Variants in FAM20A observed in about 807,000 individuals in gnomAD.
FAM20A encodes FAM20A golgi associated secretory pathway pseudokinase, also known as pseudokinase FAM20A.
A neutral mutation model predicts 52.0 loss-of-function variants in FAM20A; 42 were observed. That is an observed-to-expected ratio of 0.81 (90% CI 0.63 to 1.04). FAM20A has a LOEUF of 1.04. Ranked by LOEUF, FAM20A falls within the 50% of genes least tolerant of loss-of-function variation. The probability of loss-of-function intolerance (pLI) is 0.00; values close to 1 mark genes in which losing one functional copy is unlikely to be tolerated. For missense variants in FAM20A, 742 were observed against 712.7 expected, an observed-to-expected ratio of 1.04 and a Z score of -0.47; for synonymous variants, 304 against 298.9, an observed-to-expected ratio of 1.02 and a Z score of -0.18.
chr17:68,548,332 C>T (rs2143605866), intron 4 of FAM20A, among the ~76,000 whole-genome samples: 1 of 152,210 alleles, frequency 6.6e-6, no homozygotes, highest in Middle Eastern at 3.4e-3. Context: ...GAGTTCGAGA[C>T]CAGCCTGGCC....
Position 68,600,220 on chromosome 17 carries a change from G to A in FAM20A, c.404+43C>T, listed in dbSNP as rs1321386429. ...CGAGACTGGGGCGCGGGGAGGCCCC[G>A]GCCAGAGCGCCCGCTCTCCCGCGTC... On this transcript the variant is annotated intron_variant, in intron 1 of 10. Coordinates refer to ENST00000592554, the MANE Select transcript of FAM20A (RefSeq NM_017565.4). The surrounding 1 kb of genome is among the most constrained non-coding windows in gnomAD (Gnocchi z 6.2). The A allele has an allele frequency of 6.5e-7, 1 of 1,544,660 alleles. No individual in the cohort carries two copies. Among genetic ancestry groups the A allele is most frequent in the Non-Finnish European group, 8.7e-7 (1 of 1,144,858 alleles).
intron 1 of FAM20A, chr17:68,558,302 T>C: frequency 2.3e-6 from 1 of 428,376 alleles, no homozygotes; most frequent in Non-Finnish European, 4.7e-6. Context: ...TTTAATCTTG[T>C]GAGATCCTAG....
At position 68,601,292 on chromosome 17, in the gene FAM20A, C is replaced by T. The variant is rs1328472395; in HGVS notation, c.-626G>A. The T allele has an allele frequency of 3.9e-5, 6 of 152,256 alleles. No individual in the cohort carries two copies. Among genetic ancestry groups the T allele is most frequent in the African/African-American group, 1.4e-4 (6 of 41,406 alleles). 9.4% of individuals were successfully genotyped at this position (152,256 alleles called of 1,614,324 possible). ...AGAGGCAGAGGTAGCGCGGGGCCTC[C>T]CCGAGCCTGGCCTGGCGCCGGCACC... On this transcript the variant is annotated 5_prime_UTR_variant, in exon 1 of 11. Transcript: ENST00000592554.
At chr17:68,540,558 T>C (rs1380534748) in intron 8 of FAM20A, 1 of 526,944 alleles carries the variant, frequency 1.9e-6, no homozygotes, top group African/African-American at 1.9e-5. Flanking sequence ...TGGTTTCCCC[T>C]CACTTGGTGA....
chr17:68,554,675 G>T, intron 3 of FAM20A, 102 bp downstream of exon 3: 2 of 1,116,964 alleles, frequency 1.8e-6, no homozygotes, highest in East Asian at 2.4e-5. Flanking sequence ...AGAGAGCCAT[G>T]CTCCTTCCAC....
At position 68,542,406 on chromosome 17, in the gene FAM20A, A is replaced by G. The variant is rs541631796; in HGVS notation, c.929-241T>C. Among the ~76,000 whole-genome samples the G allele has an allele frequency of 3.3e-5, 5 of 152,284 alleles. No homozygotes were observed. The East Asian group carries it at 9.6e-4, about 29-fold the overall frequency. On this transcript the variant is annotated intron_variant, in intron 6 of 10. Transcript: ENST00000592554. ...TACTGCATTCTATCCTTATGAGTAG[A>G]ACACTCTTTATTACCCTGGGTGGAT...
At chr17:68,594,177 C>T (rs1018963789) in intron 1 of FAM20A, among the ~76,000 whole-genome samples, 1 of 152,098 alleles carries the variant, frequency 6.6e-6, no homozygotes, top group Non-Finnish European at 1.5e-5. Context: ...TTTGGGAGGC[C>T]GAGGCGGGCG....
intron 9 of FAM20A, 140 bp from the exon 10 acceptor site, chr17:68,539,536 C>A: frequency 1.3e-6 from 1 of 767,574 alleles, no homozygotes; most frequent in Non-Finnish European, 2.3e-6. Flanking sequence ...TCTCCAGCCC[C>A]TCTCCCCAGT....
chr17:68,537,852 T>G lies in FAM20A; in HGVS notation c.1362-111A>C, dbSNP rs567050051. 382 of 1,219,518 alleles carry G rather than the reference T, an allele frequency of 3.1e-4. No individual in the cohort carries two copies. In the African/African-American group the frequency reaches 5.3e-3, roughly 17 times the overall value. 75.5% of individuals were successfully genotyped at this position (1,219,518 alleles called of 1,614,324 possible). A position where few individuals can be genotyped will look rare whatever the true frequency, so the allele number is the denominator to read the frequency against. On this transcript the variant is annotated intron_variant, in intron 10 of 10. Transcript: ENST00000592554. This position sits in a 1 kb window ranked among gnomAD's most constrained non-coding sequence, Gnocchi z 4.2. ...TAGCTGATACTCTTGGCGCCTCTCC[T>G]TGTGTCTTCTCAGGCACATTTTAAT... is the stretch of plus-strand genomic sequence containing the variant.
intron 4 of FAM20A, among the ~76,000 whole-genome samples, chr17:68,548,403 G>A (rs368362986): frequency 1.2e-3 from 181 of 152,174 alleles, no homozygotes; most frequent in Non-Finnish European, 2.2e-3. Context: ...GGTGGGCAGC[G>A]CCTTTAGTCC....
chr17:68,576,237 C>T (rs138193510), intron 1 of FAM20A, among the ~76,000 whole-genome samples: 12 of 152,294 alleles, frequency 7.9e-5, no homozygotes, highest in African/African-American at 2.9e-4. Flanking sequence ...TTTCTGGAGC[C>T]ATGGCTCTCT....
At chr17:68,551,108 G>T in intron 4 of FAM20A, 1 of 1,234,090 alleles carries the variant, frequency 8.1e-7, no homozygotes, top group Admixed American at 4.2e-5. Context: ...TCAAGGAGGA[G>T]CATTCCCCTG....
At chr17:68,551,687 C>CT (rs2086840845) in intron 4 of FAM20A, among the ~76,000 whole-genome samples, 186 bp downstream of exon 4, 1 of 83,060 alleles carries the variant, frequency 1.2e-5, no homozygotes, top group Non-Finnish European at 2.4e-5. Flanking sequence ...TTAGTATTTT[C>CT]AATTATTATT....
rs148160558 is a variant in FAM20A, at chr17:68,535,502, C to T, written c.*1975G>A. On this transcript the variant is annotated 3_prime_UTR_variant, in exon 11 of 11. Transcript: ENST00000592554. ...TTGAATGTTTTTACCCAGATATTTT[C>T]CCATTTCTGTGTGTGATCTCCTGGT... The T allele has an allele frequency of 1.8e-3, 827 of 454,032 alleles. 13 individuals are homozygous for T. In the East Asian group the frequency reaches 0.041, roughly 23 times the overall value. 28.1% of individuals were successfully genotyped at this position (454,032 alleles called of 1,614,324 possible). A position where few individuals can be genotyped will look rare whatever the true frequency, so the allele number is the denominator to read the frequency against.
chr17:68,581,359 T>TTTCTTTCC (rs2087950250), intron 1 of FAM20A, among the ~76,000 whole-genome samples: 1 of 113,878 alleles, frequency 8.8e-6, no homozygotes, highest in South Asian at 2.8e-4. Context: ...TTTTTCTTTC[T>TTTCTTTCC]TTCTTTCTTT....
chr17:68,543,791 G>T, intron 4 of FAM20A, 70 bp from the exon 5 acceptor site: 1 of 1,317,490 alleles, frequency 7.6e-7, no homozygotes, highest in Non-Finnish European at 1.1e-6. Flanking sequence ...GAGCTGATGA[G>T]CATGACCAGC....
intron 4 of FAM20A, among the ~76,000 whole-genome samples, chr17:68,548,430 T>C (rs2086668645): frequency 6.6e-6 from 1 of 151,978 alleles, no homozygotes; most frequent in South Asian, 2.1e-4. Context: ...TTTGGAAGGC[T>C]GAGGCAAGAG....
At chr17:68,588,888 G>T (rs1268735260) in intron 1 of FAM20A, among the ~76,000 whole-genome samples, 1 of 152,122 alleles carries the variant, frequency 6.6e-6, no homozygotes, top group Non-Finnish European at 1.5e-5. Flanking sequence ...TTAACATATG[G>T]CACGGGGTCT....
At chr17:68,549,231 A>G (rs2086719700) in intron 4 of FAM20A, among the ~76,000 whole-genome samples, 1 of 151,996 alleles carries the variant, frequency 6.6e-6, no homozygotes, top group Non-Finnish European at 1.5e-5. Context: ...GCATTGGCTC[A>G]CGCCTGGAAT....
Sources: allele counts gnomAD v4.1 joint callset (sites outside exome capture counted in the v4.1 genomes callset), GRCh38; gene constraint gnomAD v4.1.1; non-coding constraint Gnocchi (gnomAD v3.1); transcripts MANE v1.5; gene names NCBI Gene and HGNC (gene_info 2026-07-23, HGNC 2026-07-21).